Variants in NRXN3 observed in about 807,000 individuals in gnomAD.
NRXN3 encodes the protein neurexin III.
NRXN3 carries 32 observed loss-of-function variants against 137.6 expected under a neutral mutation model. The ratio of observed to expected loss-of-function variants is 0.23; its 90% CI spans 0.18 to 0.31. The LOEUF is 0.31. Among genes scored for constraint, NRXN3 ranks in the 10% least tolerant of loss-of-function variants. The pLI is 1.00. For synonymous variants in NRXN3, 798 were observed against 784.5 expected, an observed-to-expected ratio of 1.02 and a Z score of -0.29; for missense variants, 1,574 against 2,062.5, an observed-to-expected ratio of 0.76 and a Z score of 4.59.
At chr14:79,785,306 C>CACTT (rs1203537136) in intron 19 of NRXN3, among the ~76,000 whole-genome samples, 3 of 152,164 alleles carry the variant, frequency 2.0e-5, no homozygotes, top group African/African-American at 7.2e-5. Context: ...TCCCTGGAGC[C>CACTT]ACTTACACCT....
chr14:79,588,419 T>C (rs2097778309), intron 16 of NRXN3, among the ~76,000 whole-genome samples: 1 of 152,224 alleles, frequency 6.6e-6, no homozygotes, highest in African/African-American at 2.4e-5. Context: ...TACCTCAAAC[T>C]CCGCTTGTGA....
At chr14:79,553,550 C>T (rs954076362) in intron 16 of NRXN3, among the ~76,000 whole-genome samples, 4 of 152,124 alleles carry the variant, frequency 2.6e-5, no homozygotes, top group Admixed American at 6.6e-5. Context: ...TAACTACATG[C>T]ACGCACTCAT....
intron 1 of NRXN3, among the ~76,000 whole-genome samples, chr14:78,218,614 C>A (rs1017860043): frequency 7.9e-5 from 12 of 152,210 alleles, no homozygotes; most frequent in African/African-American, 2.4e-4. Flanking sequence ...AGTCCTCAAT[C>A]AGTTGCTAAG....
At chr14:79,089,056 C>T (rs147563707) in intron 15 of NRXN3, among the ~76,000 whole-genome samples, 10 of 152,052 alleles carry the variant, frequency 6.6e-5, no homozygotes, top group South Asian at 2.1e-4. Flanking sequence ...TAGCAGGAAG[C>T]GGCAGAGGAA....
At chr14:78,379,305 A>G (rs1385805556) in intron 4 of NRXN3, among the ~76,000 whole-genome samples, 1 of 152,218 alleles carries the variant, frequency 6.6e-6, no homozygotes, top group Non-Finnish European at 1.5e-5. Context: ...AGACAAAGAT[A>G]GTACAAAAAC....
At chr14:79,626,541 T>C (rs1377858707) in intron 16 of NRXN3, among the ~76,000 whole-genome samples, 2 of 152,178 alleles carry the variant, frequency 1.3e-5, no homozygotes, top group Admixed American at 6.5e-5. Flanking sequence ...TGAACCCACA[T>C]TTTCTCACAT....
intron 16 of NRXN3, among the ~76,000 whole-genome samples, chr14:79,511,227 G>A (rs1186867346): frequency 1.3e-5 from 2 of 152,188 alleles, no homozygotes; most frequent in African/African-American, 4.8e-5. Context: ...GAGATATGAT[G>A]TGAAAATTAT....
At chr14:79,433,436 A>T (rs993788487) in intron 15 of NRXN3, among the ~76,000 whole-genome samples, 7 of 152,116 alleles carry the variant, frequency 4.6e-5, no homozygotes, top group Non-Finnish European at 8.8e-5. Flanking sequence ...TGCCCCTCTT[A>T]ACTCTCCTGA....
chr14:79,026,923 GTA>G (rs138279840), intron 15 of NRXN3, among the ~76,000 whole-genome samples: 1 of 135,318 alleles, frequency 7.4e-6, no homozygotes, highest in Non-Finnish European at 1.6e-5. Flanking sequence ...AGAAAAAAAA[GTA>G]TATATATATA....
intron 16 of NRXN3, among the ~76,000 whole-genome samples, chr14:79,502,070 C>T (rs949925835): frequency 6.6e-6 from 1 of 152,104 alleles, no homozygotes; most frequent in Non-Finnish European, 1.5e-5. Flanking sequence ...CCTTTTTTGT[C>T]ATAAAACCTG....
At chr14:79,744,020 C>T (rs548413848) in intron 19 of NRXN3, among the ~76,000 whole-genome samples, 1 of 152,134 alleles carries the variant, frequency 6.6e-6, no homozygotes, top group South Asian at 2.1e-4. Flanking sequence ...ATATTGTTTC[C>T]TCTTGCTTCC....
intron 10 of NRXN3, among the ~76,000 whole-genome samples, chr14:78,883,034 T>A (rs1309105052): frequency 2.0e-5 from 3 of 152,162 alleles, no homozygotes; most frequent in Non-Finnish European, 4.4e-5. Context: ...TGCTCAGCAC[T>A]TCTCCCTGGT....
At chr14:79,615,249 G>C (rs1404370798) in intron 16 of NRXN3, among the ~76,000 whole-genome samples, 3 of 152,288 alleles carry the variant, frequency 2.0e-5, no homozygotes, top group African/African-American at 2.4e-5. Flanking sequence ...GTAATGCACT[G>C]TATAATGCAT....
intron 10 of NRXN3, among the ~76,000 whole-genome samples, chr14:78,933,355 G>A (rs1473195595): frequency 1.3e-5 from 2 of 152,148 alleles, no homozygotes; most frequent in African/African-American, 2.4e-5. Context: ...TAGCAATTTG[G>A]CAATTCTCCA....
intron 10 of NRXN3, among the ~76,000 whole-genome samples, chr14:78,889,068 T>C (rs1014450868): frequency 4.6e-5 from 7 of 152,012 alleles, no homozygotes; most frequent in Admixed American, 1.3e-4. Flanking sequence ...AATTGTACAG[T>C]ATGATAAAAA....
chr14:78,746,497 C>T (rs1324173596), intron 8 of NRXN3, among the ~76,000 whole-genome samples: 1 of 152,116 alleles, frequency 6.6e-6, no homozygotes, highest in East Asian at 1.9e-4. Context: ...AGGAAGATAA[C>T]ACTGTTTGCT....
At chr14:78,329,155 A>G (rs2080476103) in intron 4 of NRXN3, among the ~76,000 whole-genome samples, 1 of 152,176 alleles carries the variant, frequency 6.6e-6, no homozygotes. Flanking sequence ...GGAGTTATAA[A>G]AATAATATAG....
At chr14:79,705,991 A>G (rs934075159) in intron 19 of NRXN3, among the ~76,000 whole-genome samples, 4 of 136,724 alleles carry the variant, frequency 2.9e-5, no homozygotes, top group African/African-American at 1.0e-4. Context: ...TAAATAGTCA[A>G]CCATCCACCA....
chr14:78,386,106 G>A (rs140810365), intron 4 of NRXN3, among the ~76,000 whole-genome samples: 1 of 151,996 alleles, frequency 6.6e-6, no homozygotes, highest in Non-Finnish European at 1.5e-5. Flanking sequence ...CTTAAAGAGA[G>A]ACGGGAGGAT....
Sources: allele counts gnomAD v4.1 joint callset (sites outside exome capture counted in the v4.1 genomes callset), GRCh38; gene constraint gnomAD v4.1.1; transcripts MANE v1.5; gene names NCBI Gene and HGNC (gene_info 2026-07-23, HGNC 2026-07-21).